Variants in UBE3D observed in about 807,000 individuals in gnomAD.
The protein encoded by UBE3D is E3 ubiquitin-protein ligase E3D.
A neutral mutation model predicts 49.6 loss-of-function variants in UBE3D; 48 were observed. That is an observed-to-expected ratio of 0.97 (90% confidence interval 0.77 to 1.23). The LOEUF (loss-of-function observed/expected upper bound fraction) is 1.23, where lower values mean the gene tolerates loss of function less well. Ranked by LOEUF, UBE3D falls within the 50% of genes most tolerant of loss-of-function variation. UBE3D has a pLI of 0.00. For missense variants in UBE3D, 452 were observed against 468.4 expected (o/e 0.96, Z 0.32); for synonymous variants, 189 against 174.2 (o/e 1.08, Z -0.67).
At position 83,057,979 on chromosome 6, in the gene UBE3D, G is replaced by A. The variant is rs1582770069; in HGVS notation, c.121C>T (p.Pro41Ser). Reference protein sequence around the residue: ...GGMPMNISIMPSSLQMKTPEG... With the variant: ...GGMPMNISIMSSSLQMKTPEG... ...GGGGTTTTCATCTGGAGTGAAGATGGCATTATGGAAATATTCATGGGCATA... is the reference window on the plus strand; with the variant it reads ...GGGGTTTTCATCTGGAGTGAAGATGACATTATGGAAATATTCATGGGCATA... The change falls in exon 2 of 10, where the codon CCA becomes TCA. Residue 41 changes from proline (P) to serine (S), a missense_variant. Transcript: ENST00000369747. The A allele has an allele frequency of 1.2e-6, 2 of 1,614,146 alleles. No homozygotes were observed. The highest frequency in any genetic ancestry group is 1.7e-6 in the Non-Finnish European group (2 of 1,180,028).
chr6:83,055,878 C>T (rs961756422), intron 2 of UBE3D, among the ~76,000 whole-genome samples: 6 of 152,304 alleles, frequency 3.9e-5, no homozygotes. Context: ...CACACCAGTA[C>T]ATATCTATTC....
At chr6:82,910,095 T>C (rs1392251420) in intron 9 of UBE3D, among the ~76,000 whole-genome samples, 1 of 152,172 alleles carries the variant, frequency 6.6e-6, no homozygotes, top group African/African-American at 2.4e-5. Context: ...GCACTGGTGA[T>C]TTTAAATTCC....
chr6:82,896,427 C>CA (rs201458156), intron 9 of UBE3D, among the ~76,000 whole-genome samples: 3,737 of 117,962 alleles, frequency 0.032, 145 homozygotes, highest in African/African-American at 0.2. Context: ...AAACAAAAGA[C>CA]AACCTTTCCT....
Position 83,022,547 on chromosome 6 carries a change from T to C in UBE3D, c.752A>G (p.Gln251Arg). The change falls in exon 7 of 10, where the codon CAG (glutamine) becomes CGG (arginine). Residue 251 changes from glutamine to arginine, a missense_variant. Transcript: ENST00000369747. ...CACCAGACACTGGGCGATCACGCTC[T>C]GGACAAACCAAGACCTGTTTGAACA... ...FPIIPRSWFV[Q>R]SVIAQCLVQL... is the part of the protein sequence containing the mutation. The C allele has an allele frequency of 6.3e-7, 1 of 1,590,696 alleles. No individual in the cohort carries two copies. Among genetic ancestry groups the C allele is most frequent in the Non-Finnish European group, 8.5e-7 (1 of 1,172,188 alleles).
intron 8 of UBE3D, among the ~76,000 whole-genome samples, chr6:83,008,758 T>C (rs1780154800): frequency 6.6e-6 from 1 of 152,228 alleles, no homozygotes; most frequent in African/African-American, 2.4e-5. Flanking sequence ...CCAGGAAGTC[T>C]ACAGCTTGTT....
At chr6:82,912,508 CT>C (rs1394167691) in intron 9 of UBE3D, among the ~76,000 whole-genome samples, 2 of 151,756 alleles carry the variant, frequency 1.3e-5, no homozygotes, top group Admixed American at 6.6e-5. Context: ...TAAAATTAGT[CT>C]TTTTTCCAAT....
chr6:83,032,394 T>C, intron 5 of UBE3D: 1 of 398,924 alleles, frequency 2.5e-6, no homozygotes, highest in South Asian at 1.8e-5. Context: ...CATGGGGCCT[T>C]TAGCCCCTTT....
chr6:82,961,834 T>C (rs1195127031), intron 8 of UBE3D, among the ~76,000 whole-genome samples: 2 of 151,916 alleles, frequency 1.3e-5, no homozygotes, highest in East Asian at 1.9e-4. Context: ...TGGTGATGCA[T>C]GCCTGTAATC....
chr6:83,013,221 T>C (rs561954887), intron 8 of UBE3D, among the ~76,000 whole-genome samples: 1 of 152,336 alleles, frequency 6.6e-6, no homozygotes, highest in South Asian at 2.1e-4. Context: ...GGTCACATTG[T>C]GACTTGATGA....
chr6:83,040,336 A>G (rs1209219776), intron 4 of UBE3D, among the ~76,000 whole-genome samples: 4 of 151,916 alleles, frequency 2.6e-5, no homozygotes, highest in Admixed American at 2.0e-4. Context: ...GTGAGCCGAG[A>G]TTGTACCACT....
rs989627941 is a variant in UBE3D at position 83,065,817 on chromosome 6, G to A, written c.-99C>T. ...TCCACGTGCGGACCAACCAGCGGCAGCCCCGCTGCGGCGCAGGCGCCTGTG... is the reference window on the plus strand; with the variant it reads ...TCCACGTGCGGACCAACCAGCGGCAACCCCGCTGCGGCGCAGGCGCCTGTG... On this transcript the variant is annotated 5_prime_UTR_variant, in exon 1 of 10. Transcript: ENST00000369747. 16 of 1,263,356 alleles carry A rather than the reference G, an allele frequency of 1.3e-5. No individual in the cohort carries two copies. The highest frequency in any genetic ancestry group is 1.8e-5 in the Non-Finnish European group (16 of 901,348). The allele number at this position is 1,263,356 out of a possible 1,614,324, so 78.3% of individuals were successfully genotyped here.
chr6:82,999,266 G>A (rs1464751216), intron 8 of UBE3D, among the ~76,000 whole-genome samples: 5 of 152,156 alleles, frequency 3.3e-5, no homozygotes, highest in African/African-American at 1.2e-4. Context: ...TGCTCCTGAG[G>A]CTGGTCGGTC....
At chr6:82,943,364 C>T (rs1477159476) in intron 9 of UBE3D, among the ~76,000 whole-genome samples, 8 of 152,180 alleles carry the variant, frequency 5.3e-5, no homozygotes, top group Admixed American at 3.3e-4. Context: ...CAGCCAGGCA[C>T]GGTGGCTCAT....
chr6:82,917,310 C>T (rs1263432068), intron 9 of UBE3D, among the ~76,000 whole-genome samples: 2 of 151,942 alleles, frequency 1.3e-5, no homozygotes, highest in Admixed American at 1.3e-4. Flanking sequence ...GGGGGAAGCC[C>T]CTGAGAAAAG....
intron 9 of UBE3D, among the ~76,000 whole-genome samples, chr6:82,946,243 G>T (rs1316849770): frequency 6.6e-6 from 1 of 152,016 alleles, no homozygotes; most frequent in South Asian, 2.1e-4. Flanking sequence ...ATAAAGAAAG[G>T]AGCCTAAAAG....
rs1157642640 is a variant in UBE3D at position 82,957,292 on chromosome 6, G to C, written c.1149+20C>G. 5.0e-6 allele frequency: 8 copies of C among 1,609,378 alleles called. No individual in the cohort carries two copies. In the African/African-American group the frequency reaches 6.7e-5, roughly 13 times the overall value. ...AGTAAAACTGAGAAATCACGGCCTA[G>C]AAAAGAAGCCATTGCTCACCTGAAA... On this transcript the variant is annotated intron_variant, in intron 9 of 9. Coordinates refer to ENST00000369747, the MANE Select transcript of UBE3D (RefSeq NM_198920.3).
At chr6:83,035,426 T>G (rs1329565493) in intron 5 of UBE3D, among the ~76,000 whole-genome samples, 1 of 152,204 alleles carries the variant, frequency 6.6e-6, no homozygotes, top group African/African-American at 2.4e-5. Context: ...TTTGAGACTT[T>G]GTTATTTGCA....
At chr6:82,987,859 T>C (rs1473438443) in intron 8 of UBE3D, among the ~76,000 whole-genome samples, 3 of 152,230 alleles carry the variant, frequency 2.0e-5, no homozygotes, top group East Asian at 3.8e-4. Flanking sequence ...AGTTGTAGTA[T>C]ATCCTGACAA....
chr6:83,003,160 A>G (rs925458309), intron 8 of UBE3D, among the ~76,000 whole-genome samples: 3 of 152,352 alleles, frequency 2.0e-5, no homozygotes, highest in South Asian at 2.1e-4. Flanking sequence ...GGTCTGACTT[A>G]TAAAACTATC....
Sources: gnomAD v4.1 joint callset for allele counts (sites outside exome capture counted in the v4.1 genomes callset) on GRCh38, gnomAD v4.1.1 for gene constraint, MANE v1.5 for transcripts, NCBI Gene and HGNC (gene_info 2026-07-23, HGNC 2026-07-21) for gene names.